Variants in GALNTL6 observed in about 807,000 individuals in gnomAD.
The protein encoded by GALNTL6 is polypeptide N-acetylgalactosaminyltransferase like 6.
Under a neutral mutation model 73.7 loss-of-function variants are expected in GALNTL6, and 46 were observed. The observed-to-expected ratio is 0.62, with a 90% CI of 0.49 to 0.80. The LOEUF is 0.80. Among genes scored for constraint, GALNTL6 ranks in the 30% least tolerant of loss-of-function variants. The pLI is 0.00. For synonymous variants in GALNTL6, 259 were observed against 263.7 expected (o/e 0.98, Z 0.17); for missense variants, 604 against 755.0 (o/e 0.80, Z 2.34).
At chr4:172,467,501 C>T (rs1271027601) in intron 5 of GALNTL6, among the ~76,000 whole-genome samples, 1 of 152,110 alleles carries the variant, frequency 6.6e-6, no homozygotes, top group Non-Finnish European at 1.5e-5. Flanking sequence ...GCTCATCCTC[C>T]AGCAGGCTCG....
intron 5 of GALNTL6, among the ~76,000 whole-genome samples, chr4:172,654,558 A>G (rs1477385905): frequency 1.3e-5 from 2 of 152,178 alleles, no homozygotes; most frequent in East Asian, 3.9e-4. Context: ...CCCTTGGTGA[A>G]TCTCTACTGT....
At chr4:172,566,816 A>G (rs1736571765) in intron 5 of GALNTL6, among the ~76,000 whole-genome samples, 1 of 152,102 alleles carries the variant, frequency 6.6e-6, no homozygotes, top group Non-Finnish European at 1.5e-5. Flanking sequence ...ATAAAATCGT[A>G]AATGACATTG....
chr4:171,868,506 A>C (rs1197705235), intron 2 of GALNTL6, among the ~76,000 whole-genome samples: 1 of 152,138 alleles, frequency 6.6e-6, no homozygotes, highest in African/African-American at 2.4e-5. Context: ...TCTGGAGTGA[A>C]AGAAGAAAAT....
intron 5 of GALNTL6, among the ~76,000 whole-genome samples, chr4:172,571,227 G>A (rs891252741): frequency 6.6e-5 from 10 of 152,138 alleles, no homozygotes; most frequent in Admixed American, 2.6e-4. Context: ...CTTATTGTTC[G>A]GAAGCAGGAG....
chr4:172,070,967 G>C (rs1675065598), intron 2 of GALNTL6, among the ~76,000 whole-genome samples: 1 of 109,464 alleles, frequency 9.1e-6, no homozygotes, highest in African/African-American at 3.4e-5. Flanking sequence ...TACTAAGTTA[G>C]TTGTGTTGAT....
chr4:172,114,935 C>T (rs1272263690), intron 2 of GALNTL6, among the ~76,000 whole-genome samples: 3 of 151,998 alleles, frequency 2.0e-5, no homozygotes, highest in Admixed American at 6.6e-5. Flanking sequence ...GGCTCAATCC[C>T]ACTCCCAAAC....
chr4:172,748,286 G>A lies in GALNTL6; in HGVS notation c.554-61075G>A, dbSNP rs370760050. On this transcript the variant is annotated intron_variant, in intron 5 of 12. Coordinates refer to ENST00000506823, the MANE Select transcript of GALNTL6 (RefSeq NM_001034845.3). ...ACCTTGGGCAGGAGGCCATTCCATC[G>A]CAGTACGCACTCACACACACACCCA... Among the ~76,000 whole-genome samples the A allele has an allele frequency of 1.2e-3, 177 of 152,048 alleles. 1 individual carries two copies. The highest frequency in any genetic ancestry group is 4.0e-3 in the African/African-American group (167 of 41,454).
chr4:171,820,086 A>G (rs1245091848), intron 2 of GALNTL6, among the ~76,000 whole-genome samples: 1 of 152,134 alleles, frequency 6.6e-6, no homozygotes, highest in Non-Finnish European at 1.5e-5. Context: ...AACAAAAAAC[A>G]ACAGATAAAA....
intron 2 of GALNTL6, among the ~76,000 whole-genome samples, chr4:172,051,099 G>A (rs958254141): frequency 6.6e-6 from 1 of 152,286 alleles, no homozygotes; most frequent in South Asian, 2.1e-4. Context: ...TGAAGCAGGA[G>A]AGTTCCCTGA....
chr4:172,434,173 TAATC>T (rs919696702), intron 5 of GALNTL6, among the ~76,000 whole-genome samples: 1 of 152,162 alleles, frequency 6.6e-6, no homozygotes, highest in African/African-American at 2.4e-5. Context: ...GAAAATATAA[TAATC>T]TATCGATTAT....
At chr4:172,598,173 T>C (rs140447120) in intron 5 of GALNTL6, among the ~76,000 whole-genome samples, 29 of 152,268 alleles carry the variant, frequency 1.9e-4, no homozygotes, top group African/African-American at 7.0e-4. Context: ...TTCTTTATTA[T>C]ACATAGGCCA....
chr4:172,109,391 T>C (rs779304581), intron 2 of GALNTL6, among the ~76,000 whole-genome samples: 2 of 152,190 alleles, frequency 1.3e-5, no homozygotes, highest in Non-Finnish European at 2.9e-5. Flanking sequence ...TCCTCAGAGT[T>C]GTCTAAGAGT....
chr4:171,940,565 T>C (rs1437106817), intron 2 of GALNTL6, among the ~76,000 whole-genome samples: 1 of 152,080 alleles, frequency 6.6e-6, no homozygotes. Context: ...CTCATGCCTG[T>C]GATTTCAACA....
chr4:172,885,215 T>C, intron 8 of GALNTL6, among the ~76,000 whole-genome samples: 1 of 152,184 alleles, frequency 6.6e-6, no homozygotes, highest in Admixed American at 6.6e-5. Context: ...TTTCTGGTAG[T>C]GTAGATATTT....
At chr4:172,354,601 C>G (rs1354972451) in intron 5 of GALNTL6, among the ~76,000 whole-genome samples, 1 of 151,904 alleles carries the variant, frequency 6.6e-6, no homozygotes, top group East Asian at 1.9e-4. Flanking sequence ...GGAAAATTAT[C>G]CTACAACATA....
chr4:172,970,019 A>G (rs957341912), intron 10 of GALNTL6, among the ~76,000 whole-genome samples: 5 of 152,186 alleles, frequency 3.3e-5, no homozygotes, highest in Non-Finnish European at 7.3e-5. Flanking sequence ...ATGTCCCCCA[A>G]GCCACAAAAC....
intron 5 of GALNTL6, among the ~76,000 whole-genome samples, chr4:172,525,100 T>A (rs899803178): frequency 6.6e-6 from 1 of 152,232 alleles, no homozygotes; most frequent in African/African-American, 2.4e-5. Flanking sequence ...TTCTTTATTA[T>A]ATTTTGTTGT....
At chr4:172,729,908 T>C (rs1736048930) in intron 5 of GALNTL6, among the ~76,000 whole-genome samples, 1 of 152,134 alleles carries the variant, frequency 6.6e-6, no homozygotes, top group Admixed American at 6.5e-5. Context: ...CAATTTCTTT[T>C]ATCAGTATTT....
intron 2 of GALNTL6, among the ~76,000 whole-genome samples, chr4:172,054,524 C>A (rs576164548): frequency 6.6e-6 from 1 of 152,164 alleles, no homozygotes; most frequent in Non-Finnish European, 1.5e-5. Flanking sequence ...CCGGTGAAGT[C>A]CCACTTCCTA....
Sources: allele counts gnomAD v4.1 joint callset (sites outside exome capture counted in the v4.1 genomes callset), GRCh38; gene constraint gnomAD v4.1.1; transcripts MANE v1.5; gene names NCBI Gene and HGNC (gene_info 2026-07-23, HGNC 2026-07-21).